ADGRB3: variants seen among roughly 807,000 people sequenced by gnomAD.
The protein encoded by ADGRB3 is adhesion G protein-coupled receptor B3.
A neutral mutation model predicts 193.4 loss-of-function variants in ADGRB3; 37 were observed. The ratio of observed to expected loss-of-function variants is 0.19; its 90% confidence interval spans 0.15 to 0.25. The LOEUF (loss-of-function observed/expected upper bound fraction) is 0.25. Ranked by LOEUF, ADGRB3 falls within the 10% of genes least tolerant of loss-of-function variation. ADGRB3 has a pLI of 1.00. For synonymous variants in ADGRB3, 690 were observed against 644.2 expected, an observed-to-expected ratio of 1.07 and a Z score of -1.08; for missense variants, 1,637 against 1,852.9, an observed-to-expected ratio of 0.88 and a Z score of 2.14.
chr6:68,734,284 AG>A (rs1181315724), intron 3 of ADGRB3, among the ~76,000 whole-genome samples: 1 of 145,370 alleles, frequency 6.9e-6, no homozygotes, highest in East Asian at 2.0e-4. Flanking sequence ...ACAGGTGGAA[AG>A]GAGCAAGGAC....
At chr6:68,759,370 G>T (rs1284417735) in intron 3 of ADGRB3, among the ~76,000 whole-genome samples, 1 of 151,960 alleles carries the variant, frequency 6.6e-6, no homozygotes, top group African/African-American at 2.4e-5. Flanking sequence ...ATAGTTTTGA[G>T]AACTTTTTTC....
At chr6:69,303,576 C>A (rs761279564) in intron 20 of ADGRB3, among the ~76,000 whole-genome samples, 2 of 151,916 alleles carry the variant, frequency 1.3e-5, no homozygotes, top group African/African-American at 2.4e-5. Context: ...TGCATTCCCG[C>A]ACATTCAGCA....
chr6:69,025,916 T>A (rs535814443), intron 13 of ADGRB3, among the ~76,000 whole-genome samples: 1 of 152,280 alleles, frequency 6.6e-6, no homozygotes, highest in South Asian at 2.1e-4. Flanking sequence ...CAGACCCTGT[T>A]AGGAGCAAAC....
intron 3 of ADGRB3, among the ~76,000 whole-genome samples, chr6:68,829,395 C>G (rs2127383361): frequency 6.6e-6 from 1 of 152,140 alleles, no homozygotes; most frequent in South Asian, 2.1e-4. Flanking sequence ...AGCCACCGCA[C>G]CCAGGCATGT....
chr6:68,708,528 C>G (rs1158778154), intron 3 of ADGRB3, among the ~76,000 whole-genome samples: 1 of 152,038 alleles, frequency 6.6e-6, no homozygotes, highest in South Asian at 2.1e-4. Flanking sequence ...GGGCCCAGTT[C>G]AAAGATACAT....
chr6:69,066,200 A>T (rs1220410076), intron 16 of ADGRB3, among the ~76,000 whole-genome samples: 2 of 151,282 alleles, frequency 1.3e-5, no homozygotes, highest in Admixed American at 1.3e-4. Flanking sequence ...ATAGTTATAT[A>T]TATGCATGTA....
chr6:68,785,195 G>A (rs1306375169), intron 3 of ADGRB3, among the ~76,000 whole-genome samples: 1 of 151,924 alleles, frequency 6.6e-6, no homozygotes, highest in Non-Finnish European at 1.5e-5. Flanking sequence ...TAGGGTACAT[G>A]TGCACAACGT....
intron 17 of ADGRB3, among the ~76,000 whole-genome samples, chr6:69,173,954 C>T (rs999684048): frequency 5.3e-5 from 8 of 152,270 alleles, no homozygotes; most frequent in African/African-American, 1.9e-4. Flanking sequence ...TAACCAAGCT[C>T]TTCATGTAGA....
chr6:69,021,111 A>G (rs1045509035), intron 13 of ADGRB3, among the ~76,000 whole-genome samples: 6 of 151,916 alleles, frequency 3.9e-5, no homozygotes, highest in African/African-American at 1.2e-4. Context: ...TTGAGCAGAC[A>G]TATATGCACA....
At chr6:68,886,651 T>A (rs997020088) in intron 3 of ADGRB3, among the ~76,000 whole-genome samples, 1 of 152,044 alleles carries the variant, frequency 6.6e-6, no homozygotes, top group Admixed American at 6.6e-5. Context: ...GAACCCAGAT[T>A]CAGAAAACTA....
intron 26 of ADGRB3, 34 bp downstream of exon 26, chr6:69,339,538 G>A: frequency 6.3e-7 from 1 of 1,585,232 alleles, no homozygotes; most frequent in Non-Finnish European, 8.6e-7. Flanking sequence ...GAACAGTGAT[G>A]GTTGGAATGG....
chr6:69,300,807 G>A (rs1767934885), intron 20 of ADGRB3, among the ~76,000 whole-genome samples: 1 of 151,778 alleles, frequency 6.6e-6, no homozygotes, highest in Non-Finnish European at 1.5e-5. Context: ...ATTGATGAAA[G>A]ATATGGAAGA....
chr6:68,887,951 A>C (rs191466738), intron 3 of ADGRB3, among the ~76,000 whole-genome samples: 3 of 152,310 alleles, frequency 2.0e-5, no homozygotes, highest in African/African-American at 7.2e-5. Context: ...ATGGCTGACA[A>C]GAGCTGAGTT....
chr6:68,772,873 ACAAAC>A (rs1562023103), intron 3 of ADGRB3, among the ~76,000 whole-genome samples: 1 of 25,096 alleles, frequency 4.0e-5, no homozygotes, highest in African/African-American at 1.4e-4. Flanking sequence ...AAACAAACAA[ACAAAC>A]AAACAAAAAA....
intron 13 of ADGRB3, among the ~76,000 whole-genome samples, chr6:69,040,676 A>C (rs1188325286): frequency 2.8e-5 from 1 of 35,114 alleles, no homozygotes; most frequent in African/African-American, 1.1e-4. Flanking sequence ...ACTGATGGAC[A>C]AAAAAAAAAA....
intron 13 of ADGRB3, among the ~76,000 whole-genome samples, chr6:69,037,215 G>A (rs2150296357): frequency 6.6e-6 from 1 of 152,276 alleles, no homozygotes; most frequent in Non-Finnish European, 1.5e-5. Context: ...AGATGGGAAA[G>A]ACTGCAGAAG....
At chr6:69,007,852 T>C (rs1769811094) in intron 11 of ADGRB3, among the ~76,000 whole-genome samples, 1 of 152,104 alleles carries the variant, frequency 6.6e-6, no homozygotes, top group Non-Finnish European at 1.5e-5. Flanking sequence ...AAAATATATT[T>C]CCCACAGTTC....
chr6:69,314,345 G>A (rs941957225), intron 20 of ADGRB3, among the ~76,000 whole-genome samples: 1 of 151,594 alleles, frequency 6.6e-6, no homozygotes, highest in Non-Finnish European at 1.5e-5. Context: ...GATAGTTATT[G>A]TTTGAGATAC....
chr6:68,861,405 C>CA (rs1222480089), intron 3 of ADGRB3, among the ~76,000 whole-genome samples: 6 of 151,910 alleles, frequency 3.9e-5, no homozygotes, highest in African/African-American at 4.8e-5. Flanking sequence ...ACTAAAAATA[C>CA]AAAAAAATTA....
Sources: gnomAD v4.1 joint callset for allele counts (sites outside exome capture counted in the v4.1 genomes callset) on GRCh38, gnomAD v4.1.1 for gene constraint, MANE v1.5 for transcripts, NCBI Gene and HGNC (gene_info 2026-07-23, HGNC 2026-07-21) for gene names.